Variants in LSM14A observed in about 807,000 individuals in gnomAD.
The protein encoded by LSM14A is protein LSM14 homolog A.
A neutral mutation model predicts 52.4 loss-of-function variants in LSM14A; 14 were observed. The observed-to-expected ratio is 0.27, with a 90% CI of 0.18 to 0.42. The LOEUF (loss-of-function observed/expected upper bound fraction) is 0.42, where lower values mean the gene tolerates loss of function less well. LSM14A is among the 10% of genes least tolerant of loss of function. The pLI is 1.00. For synonymous variants in LSM14A, 185 were observed against 200.3 expected (o/e 0.92, Z 0.64); for missense variants, 417 against 581.8 (o/e 0.72, Z 2.91).
intron 3 of LSM14A, among the ~76,000 whole-genome samples, chr19:34,198,813 C>T (rs1419445910): frequency 2.0e-5 from 3 of 151,934 alleles, no homozygotes; most frequent in South Asian, 2.1e-4. Context: ...GGTGAAACTC[C>T]GTCTCTACTA....
chr19:34,226,333 T>A, intron 9 of LSM14A: 1 of 1,383,462 alleles, frequency 7.2e-7, no homozygotes, highest in South Asian at 1.4e-5. Flanking sequence ...CTCTCCCCCT[T>A]TCATTTTCTC....
At position 34,197,660 on chromosome 19, in the gene LSM14A, C is replaced by T. The variant is rs1476506768; in HGVS notation, c.415+897C>T. Among the ~76,000 whole-genome samples the T allele has an allele frequency of 7.3e-5, 11 of 149,928 alleles. No homozygotes were observed. The East Asian group carries it at 2.2e-3, about 30-fold the overall frequency. The stretch of plus-strand genomic sequence containing the variant: ...TTCACCATGTTGGCCAAGCTGGTCT[C>T]GAACTCCTGACCTCAAGTGATCCAC... On this transcript the variant is annotated intron_variant, in intron 3 of 9. Coordinates refer to ENST00000544216, the MANE Select transcript of LSM14A (RefSeq NM_015578.4).
intron 1 of LSM14A, among the ~76,000 whole-genome samples, chr19:34,180,020 G>A (rs2069364442): frequency 6.6e-6 from 1 of 152,132 alleles, no homozygotes; most frequent in Admixed American, 6.6e-5. Context: ...CCTGGGCTCA[G>A]GTAATCCTCC....
intron 9 of LSM14A, among the ~76,000 whole-genome samples, chr19:34,222,231 G>T (rs969861087): frequency 3.3e-5 from 5 of 152,118 alleles, no homozygotes; most frequent in South Asian, 2.1e-4. Context: ...GATGGTGCTG[G>T]GTGTTGAGCC....
At chr19:34,178,179 A>AAATAAT (rs74745913) in intron 1 of LSM14A, among the ~76,000 whole-genome samples, 51,717 of 149,866 alleles carry the variant, frequency 0.35, 9,354 homozygotes, top group African/African-American at 0.39. Flanking sequence ...AAAAAACACA[A>AAATAAT]AATAATAATA....
intron 3 of LSM14A, among the ~76,000 whole-genome samples, chr19:34,199,495 G>C (rs982333370): frequency 5.3e-5 from 8 of 152,138 alleles, no homozygotes; most frequent in Non-Finnish European, 1.2e-4. Context: ...AAATACTTAT[G>C]TTGGGAAATA....
chr19:34,191,620 G>A (rs2070391018), intron 1 of LSM14A, among the ~76,000 whole-genome samples: 1 of 151,320 alleles, frequency 6.6e-6, no homozygotes, highest in African/African-American at 2.4e-5. Flanking sequence ...CCTGCTGCTT[G>A]CCAAAACGTG....
chr19:34,213,993 G>A (rs1298736914), intron 4 of LSM14A, among the ~76,000 whole-genome samples: 1 of 151,932 alleles, frequency 6.6e-6, no homozygotes, highest in African/African-American at 2.4e-5. Context: ...ATGTTGTTCA[G>A]GCTGGTCTCG....
At chr19:34,217,667 A>G (rs8105188) in intron 6 of LSM14A, among the ~76,000 whole-genome samples, 29,157 of 111,438 alleles carry the variant, frequency 0.26, 3,635 homozygotes, top group Middle Eastern at 0.46. Context: ...AACCTCTGTC[A>G]CCCAGGCTGG....
In LSM14A at chr19:34,217,546, T is replaced by C. The variant is rs560158247; in HGVS notation, c.782-1845T>C. On this transcript the variant is annotated intron_variant, in intron 6 of 9. Coordinates refer to ENST00000544216, the MANE Select transcript of LSM14A (RefSeq NM_015578.4). ...TCACTTAATTTTAGAAATCTAGATATGATATTTTTAGATGTATATGTACTC... is the reference window on the plus strand; with the variant it reads ...TCACTTAATTTTAGAAATCTAGATACGATATTTTTAGATGTATATGTACTC... Among the ~76,000 whole-genome samples, 232 of 149,354 alleles carry C rather than the reference T, an allele frequency of 1.6e-3. 1 individual carries two copies. The highest frequency in any genetic ancestry group is 5.9e-3 in the South Asian group (28 of 4,772).
At chr19:34,211,449 T>C (rs1322031105) in intron 4 of LSM14A, among the ~76,000 whole-genome samples, 3 of 151,978 alleles carry the variant, frequency 2.0e-5, no homozygotes, top group African/African-American at 7.2e-5. Flanking sequence ...CCAACTTCTA[T>C]GATAAATAAT....
rs61278191 is a variant in LSM14A at position 34,214,292 on chromosome 19, C to CTTTATTTA, written c.539-802_539-795dup. Among the ~76,000 whole-genome samples, 931 of 148,492 alleles carry CTTTATTTA rather than the reference C, an allele frequency of 6.3e-3. 7 individuals are homozygous for CTTTATTTA. The highest frequency in any genetic ancestry group is 0.02 in the African/African-American group (774 of 39,620). Reference sequence around the variant, plus strand: ...CCTATCTAACTTTGTAGTTCTTTTACTTTATTTATTTATTTATTTATTTAT... The same window carrying CTTTATTTA: ...CCTATCTAACTTTGTAGTTCTTTTACTTTATTTATTTATTTATTTATTTATTTATTTAT... On this transcript the variant is annotated intron_variant, in intron 4 of 9. Transcript: ENST00000544216.
intron 1 of LSM14A, among the ~76,000 whole-genome samples, chr19:34,180,935 A>C (rs2069437014): frequency 6.6e-6 from 1 of 152,074 alleles, no homozygotes; most frequent in South Asian, 2.1e-4. Context: ...ATTTTCCTCA[A>C]GCCTCCAACA....
chr19:34,172,940 C>T (rs1217805214), intron 1 of LSM14A, among the ~76,000 whole-genome samples, 177 bp downstream of exon 1: 1 of 152,154 alleles, frequency 6.6e-6, no homozygotes, highest in African/African-American at 2.4e-5. Context: ...CCCCGCGGCT[C>T]CCTGGTTTCC....
chr19:34,218,773 A>G (rs1333866920), intron 6 of LSM14A, among the ~76,000 whole-genome samples: 1 of 152,202 alleles, frequency 6.6e-6, no homozygotes, highest in African/African-American at 2.4e-5. Context: ...GAGAATGTGT[A>G]GATACAGGAA....
At chr19:34,217,596 A>ATT (rs1346858159) in intron 6 of LSM14A, among the ~76,000 whole-genome samples, 1 of 82,764 alleles carries the variant, frequency 1.2e-5, no homozygotes, top group Non-Finnish European at 2.4e-5. Flanking sequence ...ATATATATAT[A>ATT]TTTTTATATC....
At chr19:34,179,679 GA>G (rs766095205) in intron 1 of LSM14A, among the ~76,000 whole-genome samples, 4 of 151,104 alleles carry the variant, frequency 2.6e-5, no homozygotes, top group Non-Finnish European at 5.9e-5. Flanking sequence ...TAAAACTGAA[GA>G]AAAAAAATAG....
intron 1 of LSM14A, among the ~76,000 whole-genome samples, chr19:34,174,661 T>C (rs1199042255): frequency 6.6e-6 from 1 of 152,258 alleles, no homozygotes; most frequent in Non-Finnish European, 1.5e-5. Flanking sequence ...TTTTATATTT[T>C]TTATACAATA....
At chr19:34,201,375 C>T (rs1249983302) in intron 3 of LSM14A, among the ~76,000 whole-genome samples, 1 of 152,194 alleles carries the variant, frequency 6.6e-6, no homozygotes, top group Non-Finnish European at 1.5e-5. Context: ...TGGCGTCTTG[C>T]TCTGTCACCC....
Sources: gnomAD v4.1 joint callset for allele counts (sites outside exome capture counted in the v4.1 genomes callset) on GRCh38, gnomAD v4.1.1 for gene constraint, MANE v1.5 for transcripts, NCBI Gene and HGNC (gene_info 2026-07-23, HGNC 2026-07-21) for gene names.